AUTS2: variants seen among roughly 807,000 people sequenced by gnomAD.
AUTS2 encodes the protein autism susceptibility gene 2 protein.
AUTS2 carries 17 observed loss-of-function variants against 112.4 expected under a neutral mutation model. The observed-to-expected ratio is 0.15, with a 90% CI of 0.10 to 0.23. The LOEUF (loss-of-function observed/expected upper bound fraction) is 0.23. Ranked by LOEUF, AUTS2 falls within the 10% of genes least tolerant of loss-of-function variation. The pLI is 1.00. For synonymous variants in AUTS2, 751 were observed against 702.7 expected (o/e 1.07, Z -1.09); for missense variants, 1,510 against 1,701.6 (o/e 0.89, Z 1.98).
chr7:70,417,059 G>A (rs1045500733), intron 4 of AUTS2, among the ~76,000 whole-genome samples: 1 of 152,210 alleles, frequency 6.6e-6, no homozygotes, highest in Admixed American at 6.5e-5. Context: ...AGAAAGCCCA[G>A]CAGGCCCTGC....
chr7:70,392,829 AC>A (rs1793922861), intron 4 of AUTS2, among the ~76,000 whole-genome samples: 1 of 152,154 alleles, frequency 6.6e-6, no homozygotes, highest in African/African-American at 2.4e-5. Flanking sequence ...AACCCTCTAA[AC>A]AAACTGAGTA....
chr7:70,064,287 C>T (rs936821773), intron 2 of AUTS2, among the ~76,000 whole-genome samples: 5 of 152,106 alleles, frequency 3.3e-5, no homozygotes, highest in African/African-American at 9.7e-5. Flanking sequence ...TACTGTGACC[C>T]GACTAGTCAG....
At chr7:69,891,816 T>C (rs545785483) in intron 1 of AUTS2, among the ~76,000 whole-genome samples, 1 of 122,266 alleles carries the variant, frequency 8.2e-6, no homozygotes, top group African/African-American at 3.1e-5. Context: ...TTTTTTGAGA[T>C]GGAGTATCTC....
At chr7:69,804,556 C>T (rs1349567731) in intron 1 of AUTS2, among the ~76,000 whole-genome samples, 1 of 152,112 alleles carries the variant, frequency 6.6e-6, no homozygotes, top group Non-Finnish European at 1.5e-5. Flanking sequence ...ATAGTGCCTC[C>T]AATGAAGACT....
intron 2 of AUTS2, among the ~76,000 whole-genome samples, chr7:69,933,540 G>A (rs1297970348): frequency 6.6e-6 from 1 of 152,066 alleles, no homozygotes; most frequent in Non-Finnish European, 1.5e-5. Context: ...TAACTTTCTT[G>A]GAAGGTCACA....
At chr7:70,585,539 C>T (rs1456889362) in intron 5 of AUTS2, among the ~76,000 whole-genome samples, 3 of 152,198 alleles carry the variant, frequency 2.0e-5, no homozygotes, top group East Asian at 1.9e-4. Flanking sequence ...GGCTTCTAGT[C>T]GGTCATACAG....
At chr7:70,613,392 CAT>C (rs762205653) in intron 5 of AUTS2, among the ~76,000 whole-genome samples, 9 of 151,996 alleles carry the variant, frequency 5.9e-5, no homozygotes, top group Non-Finnish European at 1.0e-4. Flanking sequence ...TTCGGAGTGT[CAT>C]AGTAGATTCT....
At chr7:70,730,529 T>G (rs1008868953) in intron 6 of AUTS2, among the ~76,000 whole-genome samples, 2 of 152,332 alleles carry the variant, frequency 1.3e-5, no homozygotes, top group Admixed American at 6.5e-5. Flanking sequence ...CTTTCGTGTC[T>G]GGCTTCTTTC....
At chr7:70,520,821 T>C (rs1410092783) in intron 5 of AUTS2, among the ~76,000 whole-genome samples, 1 of 152,244 alleles carries the variant, frequency 6.6e-6, no homozygotes, top group Non-Finnish European at 1.5e-5. Context: ...TCAGAGTCAC[T>C]GTTTAAACAA....
chr7:70,638,545 C>T (rs187510992), intron 5 of AUTS2, among the ~76,000 whole-genome samples: 2 of 152,022 alleles, frequency 1.3e-5, no homozygotes, highest in East Asian at 1.9e-4. Context: ...TGCCTGTTCC[C>T]GATCACTCAC....
At chr7:70,203,938 G>T (rs1166431787) in intron 4 of AUTS2, among the ~76,000 whole-genome samples, 1 of 148,976 alleles carries the variant, frequency 6.7e-6, no homozygotes. Context: ...ATGAATGATT[G>T]GCTATTAAAA....
At chr7:70,344,145 G>A (rs914836957) in intron 4 of AUTS2, among the ~76,000 whole-genome samples, 3 of 152,064 alleles carry the variant, frequency 2.0e-5, no homozygotes, top group Non-Finnish European at 4.4e-5. Context: ...CCTTACTTAC[G>A]CCCTGAAACA....
At chr7:70,068,420 G>A (rs908029064) in intron 2 of AUTS2, among the ~76,000 whole-genome samples, 2 of 151,690 alleles carry the variant, frequency 1.3e-5, no homozygotes, top group African/African-American at 2.4e-5. Flanking sequence ...TCCTGACTTC[G>A]TGATCTGCCC....
At chr7:70,467,517 A>G (rs1251443659) in intron 5 of AUTS2, among the ~76,000 whole-genome samples, 1 of 152,230 alleles carries the variant, frequency 6.6e-6, no homozygotes, top group Non-Finnish European at 1.5e-5. Flanking sequence ...TATTGGAGGC[A>G]TAACAAAAAT....
intron 2 of AUTS2, among the ~76,000 whole-genome samples, chr7:70,025,091 T>A (rs1388590212): frequency 6.6e-6 from 1 of 152,230 alleles, no homozygotes; most frequent in Admixed American, 6.5e-5. Context: ...TTAGTGTTAA[T>A]GAATTTCAGG....
At chr7:70,579,082 C>A (rs1802307963) in intron 5 of AUTS2, among the ~76,000 whole-genome samples, 3 of 150,872 alleles carry the variant, frequency 2.0e-5, no homozygotes, top group Admixed American at 2.0e-4. Context: ...GCACATGCCA[C>A]CACACCTGGC....
At chr7:70,140,005 T>G (rs535973046) in intron 4 of AUTS2, among the ~76,000 whole-genome samples, 1 of 152,232 alleles carries the variant, frequency 6.6e-6, no homozygotes, top group Non-Finnish European at 1.5e-5. Context: ...TCAAAAAAAA[T>G]TTATAAATGA....
chr7:69,921,033 G>C (rs1795788125), intron 2 of AUTS2, among the ~76,000 whole-genome samples: 1 of 152,178 alleles, frequency 6.6e-6, no homozygotes, highest in African/African-American at 2.4e-5. Context: ...CCTTACAGCT[G>C]TATTTGTGAT....
At chr7:70,189,272 A>C (rs1224795143) in intron 4 of AUTS2, among the ~76,000 whole-genome samples, 1 of 152,206 alleles carries the variant, frequency 6.6e-6, no homozygotes, top group African/African-American at 2.4e-5. Flanking sequence ...TTGGAGAAAG[A>C]AGATAGGAAA....
Sources: gnomAD v4.1 joint callset for allele counts (sites outside exome capture counted in the v4.1 genomes callset) on GRCh38, gnomAD v4.1.1 for gene constraint, MANE v1.5 for transcripts, NCBI Gene and HGNC (gene_info 2026-07-23, HGNC 2026-07-21) for gene names.